Variants in SUMF1 observed in about 807,000 individuals in gnomAD.
SUMF1 encodes formylglycine-generating enzyme.
SUMF1 carries 48 observed loss-of-function variants against 47.6 expected under a neutral mutation model. That is an observed-to-expected ratio of 1.01 (90% CI 0.80 to 1.28). SUMF1 has a LOEUF of 1.28. Among genes scored for constraint, SUMF1 ranks in the 50% most tolerant of loss-of-function variants. The pLI is 0.00. For synonymous variants in SUMF1, 230 were observed against 192.1 expected (o/e 1.20, Z -1.63); for missense variants, 571 against 485.4 (o/e 1.18, Z -1.66).
intron 8 of SUMF1, among the ~76,000 whole-genome samples, chr3:4,194,760 A>AT (rs1234851611): frequency 1.3e-5 from 2 of 152,156 alleles, no homozygotes; most frequent in Non-Finnish European, 2.9e-5. Flanking sequence ...TACTGTAATA[A>AT]TTTCAACCTG....
chr3:4,360,909 G>A (rs568176644), downstream of SUMF1, among the ~76,000 whole-genome samples: 35 of 152,130 alleles, frequency 2.3e-4, no homozygotes, highest in Non-Finnish European at 4.7e-4. Flanking sequence ...GTGAGGCAGT[G>A]CCTTTGACTT....
chr3:4,317,331 T>C (rs1698706849), intron 8 of SUMF1: 1 of 818,862 alleles, frequency 1.2e-6, no homozygotes. Context: ...AATATCTTCA[T>C]AGATTGAAAT....
intron 8 of SUMF1, among the ~76,000 whole-genome samples, chr3:4,257,960 T>C (rs1436276557): frequency 6.6e-6 from 1 of 152,060 alleles, no homozygotes; most frequent in South Asian, 2.1e-4. Flanking sequence ...TAACGCCGCA[T>C]GTCTACAACT....
intron 8 of SUMF1, among the ~76,000 whole-genome samples, chr3:4,126,185 C>G (rs1217177618): frequency 1.3e-5 from 2 of 151,276 alleles, no homozygotes; most frequent in Non-Finnish European, 2.9e-5. Context: ...AATAGTCTAG[C>G]CAATTCTTTG....
intron 8 of SUMF1, among the ~76,000 whole-genome samples, chr3:4,122,064 G>A (rs573042189): frequency 6.6e-6 from 1 of 152,206 alleles, no homozygotes; most frequent in South Asian, 2.1e-4. Context: ...TTTTATGGCT[G>A]CATGGTATTC....
At chr3:4,240,875 G>T (rs576815826) in intron 8 of SUMF1, among the ~76,000 whole-genome samples, 1 of 150,952 alleles carries the variant, frequency 6.6e-6, no homozygotes, top group African/African-American at 2.4e-5. Context: ...TTTTTCCTAC[G>T]GAACTGAAGT....
intron 8 of SUMF1, among the ~76,000 whole-genome samples, chr3:4,344,488 A>T (rs979004669): frequency 1.3e-5 from 2 of 152,186 alleles, no homozygotes; most frequent in Non-Finnish European, 2.9e-5. Flanking sequence ...TGACAACAAC[A>T]GCATCAACAA....
chr3:4,274,050 A>G (rs1314374674), intron 8 of SUMF1, among the ~76,000 whole-genome samples: 1 of 152,134 alleles, frequency 6.6e-6, no homozygotes, highest in Non-Finnish European at 1.5e-5. Context: ...CAGGGCCCAT[A>G]AACAGTATGA....
rs981737243 is a variant in SUMF1 at position 4,455,351 on chromosome 3, T to C, written c.271-2302A>G. On this transcript the variant is annotated intron_variant, in intron 1 of 8. Transcript: ENST00000272902. ...AATAAATTCCTAGAAACATACAGCC[T>C]ACCCAGACTGAATCAAGAAAAAGTA... is the stretch of plus-strand genomic sequence containing the variant. 3.9e-5 allele frequency among the ~76,000 whole-genome samples: 6 copies of C among 152,316 alleles called. No homozygotes were observed. The East Asian group carries it at 9.6e-4, about 24-fold the overall frequency.
At chr3:4,187,854 TA>T (rs1444095490) in intron 8 of SUMF1, among the ~76,000 whole-genome samples, 3 of 152,224 alleles carry the variant, frequency 2.0e-5, no homozygotes, top group Non-Finnish European at 4.4e-5. Flanking sequence ...ATAATGTTTT[TA>T]ATTTAACAGT....
chr3:4,376,454 A>G (rs1700333369), intron 7 of SUMF1, 65 bp from the exon 8 acceptor site: 3 of 1,530,038 alleles, frequency 2.0e-6, no homozygotes, highest in Non-Finnish European at 2.7e-6. Context: ...ACAGTGGGAG[A>G]GAATCCACTT....
At chr3:4,093,789 G>A (rs180690723) in intron 8 of SUMF1, among the ~76,000 whole-genome samples, 1 of 152,168 alleles carries the variant, frequency 6.6e-6, no homozygotes, top group East Asian at 1.9e-4. Context: ...AATTAACAAG[G>A]CAAGGTGGAA....
chr3:4,211,206 A>ATATATATATG lies in SUMF1; in HGVS notation c.1015-142462_1015-142461insCATATATATA, dbSNP rs1553609416. The stretch of plus-strand genomic sequence containing the variant: ...TACATATACATATACATACATACAT[A>ATATATATATG]TATATATATATATATATATATCCTA... On this transcript the variant is annotated intron_variant and NMD_transcript_variant, in intron 8 of 12. Transcript: ENST00000448413. 1.2e-4 allele frequency among the ~76,000 whole-genome samples: 14 copies of ATATATATATG among 117,480 alleles called. 1 individual carries two copies. The highest frequency in any genetic ancestry group is 2.1e-4 in the Non-Finnish European group (12 of 58,418). 77.1% of individuals were successfully genotyped at this position (117,480 alleles called of 152,430 possible).
intron 8 of SUMF1, among the ~76,000 whole-genome samples, chr3:4,200,092 C>T (rs143260583): frequency 2.0e-4 from 30 of 151,258 alleles, no homozygotes; most frequent in African/African-American, 7.0e-4. Context: ...AATTCTGGAA[C>T]TGTTATACTT....
In SUMF1 at chr3:4,253,927, G is replaced by A. The variant is rs1004345173; in HGVS notation, c.1014+122403C>T. 1.7e-4 allele frequency among the ~76,000 whole-genome samples: 26 copies of A among 150,478 alleles called. 1 individual carries two copies. In the South Asian group the frequency reaches 4.9e-3, roughly 28 times the overall value. The stretch of plus-strand genomic sequence containing the variant: ...GCAGCTGGAGATCTGAGAACTGGCA[G>A]ACTGCCTCCTCAAGTGGGTCCCTGA... On this transcript the variant is annotated intron_variant and NMD_transcript_variant, in intron 8 of 12. Transcript: ENST00000448413.
At chr3:4,238,934 C>A (rs1290079031) in intron 8 of SUMF1, among the ~76,000 whole-genome samples, 1 of 152,114 alleles carries the variant, frequency 6.6e-6, no homozygotes, top group Non-Finnish European at 1.5e-5. Context: ...TTTAATCCAT[C>A]TTGGGTTAAT....
intron 8 of SUMF1, among the ~76,000 whole-genome samples, chr3:4,071,926 A>T (rs1007209443): frequency 1.3e-5 from 2 of 152,198 alleles, no homozygotes; most frequent in African/African-American, 4.8e-5. Context: ...TTCTCCCAGC[A>T]TGGCATTGGA....
intron 8 of SUMF1, among the ~76,000 whole-genome samples, chr3:4,206,500 G>A (rs900280491): frequency 2.0e-4 from 31 of 152,126 alleles, no homozygotes; most frequent in African/African-American, 6.8e-4. Context: ...GAGTTCCAAT[G>A]CAAGTTCAAC....
chr3:4,039,209 A>ATATT (rs1553588586), intron 9 of SUMF1, among the ~76,000 whole-genome samples: 3 of 39,498 alleles, frequency 7.6e-5, no homozygotes, highest in African/African-American at 2.3e-4. Flanking sequence ...ATCTATGCAA[A>ATATT]TTTTTTTTTT....
Sources: allele counts gnomAD v4.1 joint callset (sites outside exome capture counted in the v4.1 genomes callset), GRCh38; gene constraint gnomAD v4.1.1; transcripts MANE v1.5; gene names NCBI Gene and HGNC (gene_info 2026-07-23, HGNC 2026-07-21).